CALN1: variants seen among roughly 807,000 people sequenced by gnomAD.
CALN1 encodes calcium-binding protein 8.
A neutral mutation model predicts 30.6 loss-of-function variants in CALN1; 17 were observed. The observed-to-expected ratio is 0.56, with a 90% CI of 0.38 to 0.83. The LOEUF is 0.83. Ranked by LOEUF, CALN1 falls within the 40% of genes least tolerant of loss-of-function variation. The pLI, the probability that CALN1 is intolerant of heterozygous loss-of-function variation, is 0.00. For missense variants in CALN1, 291 were observed against 354.9 expected (o/e 0.82, Z 1.45); for synonymous variants, 156 against 131.4 (o/e 1.19, Z -1.28).
chr7:72,079,924 C>T lies in CALN1; in HGVS notation c.388+26227G>A, dbSNP rs192748635. On this transcript the variant is annotated intron_variant, in intron 4 of 6. Transcript: ENST00000395275. Reference sequence around the variant, plus strand: ...TAGCTGGGATTACAGGCATCTGCCACGATGCCCAGCTAATTTTTGTATTTT... The same window carrying T: ...TAGCTGGGATTACAGGCATCTGCCATGATGCCCAGCTAATTTTTGTATTTT... Among the ~76,000 whole-genome samples, 682 of 152,094 alleles carry T rather than the reference C, an allele frequency of 4.5e-3. 3 individuals are homozygous for T. The highest frequency in any genetic ancestry group is 0.016 in the African/African-American group (653 of 41,482).
chr7:72,070,587 A>T (rs956550882), intron 4 of CALN1, among the ~76,000 whole-genome samples: 6 of 152,128 alleles, frequency 3.9e-5, no homozygotes, highest in Admixed American at 1.3e-4. Flanking sequence ...TCTTCAAGGG[A>T]TATGAAGAGT....
chr7:72,094,694 G>A (rs909905565), intron 4 of CALN1, among the ~76,000 whole-genome samples: 1 of 152,190 alleles, frequency 6.6e-6, no homozygotes, highest in Non-Finnish European at 1.5e-5. Context: ...TACTGTAGAA[G>A]ACAGACTTGC....
intron 2 of CALN1, among the ~76,000 whole-genome samples, chr7:72,326,684 G>C (rs1801300622): frequency 6.6e-6 from 1 of 152,220 alleles, no homozygotes; most frequent in Non-Finnish European, 1.5e-5. Context: ...TTTGCAGAAT[G>C]AATGAACAGC....
At chr7:71,957,989 T>C (rs1797045746) in intron 5 of CALN1, among the ~76,000 whole-genome samples, 1 of 139,210 alleles carries the variant, frequency 7.2e-6, no homozygotes, top group South Asian at 2.2e-4. Context: ...CTCTTGAACC[T>C]GGGAGGCAGA....
chr7:72,310,436 T>C (rs113069648), intron 2 of CALN1, among the ~76,000 whole-genome samples: 3 of 150,976 alleles, frequency 2.0e-5, no homozygotes, highest in African/African-American at 4.9e-5. Flanking sequence ...GCAGTGCTAA[T>C]ATCAGTAGAC....
At chr7:72,137,296 A>G (rs1346310983) in intron 3 of CALN1, among the ~76,000 whole-genome samples, 1 of 152,132 alleles carries the variant, frequency 6.6e-6, no homozygotes, top group East Asian at 1.9e-4. Flanking sequence ...TTGGGGCTGG[A>G]TTTAGGTGGT....
intron 3 of CALN1, among the ~76,000 whole-genome samples, chr7:72,257,136 C>T (rs369954239): frequency 1.3e-5 from 2 of 152,126 alleles, no homozygotes; most frequent in Non-Finnish European, 2.9e-5. Context: ...AGAGAGAGAG[C>T]GTGCACAGGG....
At chr7:71,837,390 A>G (rs543356288) in intron 5 of CALN1, among the ~76,000 whole-genome samples, 33 of 152,270 alleles carry the variant, frequency 2.2e-4, no homozygotes, top group African/African-American at 7.2e-4. Context: ...TAAAGAAAAC[A>G]TTGTGCAAAT....
At chr7:72,320,349 T>TCCC in intron 2 of CALN1, among the ~76,000 whole-genome samples, 1 of 152,118 alleles carries the variant, frequency 6.6e-6, no homozygotes, top group African/African-American at 2.4e-5. Context: ...GAGTCGAGCC[T>TCCC]GAAGTGCGGG....
chr7:72,187,511 T>C (rs1277129211), intron 3 of CALN1, among the ~76,000 whole-genome samples: 2 of 152,144 alleles, frequency 1.3e-5, no homozygotes, highest in East Asian at 3.9e-4. Flanking sequence ...TAAGCCCTTT[T>C]GTGAACTGCA....
intron 5 of CALN1, among the ~76,000 whole-genome samples, chr7:71,972,880 T>C (rs1248343778): frequency 6.6e-6 from 1 of 152,168 alleles, no homozygotes; most frequent in Admixed American, 6.5e-5. Flanking sequence ...TGCGATCTTT[T>C]GTTTGTTCCC....
At chr7:72,054,904 A>C (rs957136540) in intron 4 of CALN1, among the ~76,000 whole-genome samples, 5 of 152,134 alleles carry the variant, frequency 3.3e-5, no homozygotes, top group African/African-American at 7.2e-5. Flanking sequence ...AAACTAAAAT[A>C]AAAACAAAAC....
Position 72,193,595 on chromosome 7 carries a change from C to T in CALN1, c.244+85091G>A, listed in dbSNP as rs372233806. On this transcript the variant is annotated intron_variant, in intron 3 of 6. Coordinates refer to ENST00000395275, the MANE Select transcript of CALN1 (RefSeq NM_031468.4). ...TAGCCCACTACACATGTGGGCTAGACGGTATATGTTATTGCTCCTAGGTTA... is the reference window on the plus strand; with the variant it reads ...TAGCCCACTACACATGTGGGCTAGATGGTATATGTTATTGCTCCTAGGTTA... 3.1e-4 allele frequency among the ~76,000 whole-genome samples: 47 copies of T among 152,194 alleles called. 1 individual carries two copies. The highest frequency in any genetic ancestry group is 3.4e-3 in the Middle Eastern group (1 of 294).
intron 3 of CALN1, among the ~76,000 whole-genome samples, chr7:72,276,017 G>C (rs550955918): frequency 6.6e-6 from 1 of 152,282 alleles, no homozygotes; most frequent in East Asian, 1.9e-4. Flanking sequence ...ATCATCTCTT[G>C]ATCATTCATG....
chr7:72,106,004 G>C, intron 4 of CALN1, 147 bp downstream of exon 4: 1 of 1,099,764 alleles, frequency 9.1e-7, no homozygotes, highest in South Asian at 1.7e-5. Context: ...GAAAGTTACT[G>C]AAAAAGCCTG....
At chr7:72,434,584 GAGAAGA>G (rs893178555) in intron 1 of CALN1, among the ~76,000 whole-genome samples, 2 of 149,704 alleles carry the variant, frequency 1.3e-5, no homozygotes, top group African/African-American at 5.1e-5. Flanking sequence ...GAAGAAGAAG[GAGAAGA>G]AGAAGGAGAA....
chr7:72,387,217 G>A (rs937322468), intron 2 of CALN1, among the ~76,000 whole-genome samples: 5 of 114,702 alleles, frequency 4.4e-5, no homozygotes, highest in Non-Finnish European at 9.1e-5. Flanking sequence ...AGGGAAGGAA[G>A]GAAGGGAAGG....
chr7:72,192,241 T>C, intron 3 of CALN1, among the ~76,000 whole-genome samples: 1 of 152,218 alleles, frequency 6.6e-6, no homozygotes. Context: ...GTTACTGGAC[T>C]GAATACTGTA....
intron 3 of CALN1, among the ~76,000 whole-genome samples, chr7:72,234,709 G>A (rs1794358939): frequency 2.0e-5 from 3 of 152,164 alleles, no homozygotes; most frequent in Non-Finnish European, 2.9e-5. Context: ...GTCTCCTAAA[G>A]TGGTGGGACT....
Sources: gnomAD v4.1 joint callset for allele counts (sites outside exome capture counted in the v4.1 genomes callset) on GRCh38, gnomAD v4.1.1 for gene constraint, MANE v1.5 for transcripts, NCBI Gene and HGNC (gene_info 2026-07-23, HGNC 2026-07-21) for gene names.